CACNB2: variants seen among roughly 807,000 people sequenced by gnomAD.
CACNB2 encodes calcium voltage-gated channel auxiliary subunit beta 2, also known as voltage-dependent L-type calcium channel subunit beta-2.
A neutral mutation model predicts 73.3 loss-of-function variants in CACNB2; 42 were observed. The observed-to-expected ratio is 0.57, with a 90% CI of 0.45 to 0.74. CACNB2 has a LOEUF of 0.74. Among genes scored for constraint, CACNB2 ranks in the 30% least tolerant of loss-of-function variants. The pLI, the probability that CACNB2 is intolerant of heterozygous loss-of-function variation, is 0.00. For missense variants in CACNB2, 940 were observed against 853.0 expected, an observed-to-expected ratio of 1.10 and a Z score of -1.27; for synonymous variants, 348 against 310.3, an observed-to-expected ratio of 1.12 and a Z score of -1.28.
chr10:18,283,261 G>T (rs1181530068), intron 2 of CACNB2, among the ~76,000 whole-genome samples: 3 of 152,194 alleles, frequency 2.0e-5, no homozygotes, highest in Non-Finnish European at 4.4e-5. Flanking sequence ...AGACAGTGTG[G>T]TGATTCCTCA....
chr10:18,502,311 A>AC (rs889221273), intron 5 of CACNB2, among the ~76,000 whole-genome samples: 7 of 151,502 alleles, frequency 4.6e-5, no homozygotes, highest in Non-Finnish European at 8.8e-5. Context: ...CTATCTCAAA[A>AC]AAAAAAGAAC....
chr10:18,226,507 T>A (rs1285308723), intron 2 of CACNB2, among the ~76,000 whole-genome samples: 1 of 152,186 alleles, frequency 6.6e-6, no homozygotes, highest in Non-Finnish European at 1.5e-5. Context: ...GGTTCCTTCA[T>A]TTGGTATGAC....
chr10:18,340,686 A>C, intron 2 of CACNB2: 1 of 1,404,778 alleles, frequency 7.1e-7, no homozygotes, highest in Non-Finnish European at 9.2e-7. Flanking sequence ...TTGTTAATTG[A>C]CTTTGATGAG....
At chr10:18,338,712 G>C (rs1589080037) in intron 2 of CACNB2, among the ~76,000 whole-genome samples, 1 of 116,540 alleles carries the variant, frequency 8.6e-6, no homozygotes, top group Admixed American at 9.6e-5. Flanking sequence ...CTGACTTCCT[G>C]CCTTCCTGCC....
At chr10:18,476,078 C>G (rs2048425017) in intron 3 of CACNB2, among the ~76,000 whole-genome samples, 1 of 152,184 alleles carries the variant, frequency 6.6e-6, no homozygotes, top group African/African-American at 2.4e-5. Flanking sequence ...TGATTATATA[C>G]TAAACAAGCA....
intron 2 of CACNB2, among the ~76,000 whole-genome samples, chr10:18,376,848 T>C (rs2042819818): frequency 6.6e-6 from 1 of 152,204 alleles, no homozygotes; most frequent in Non-Finnish European, 1.5e-5. Flanking sequence ...ATTTGGTTTA[T>C]AGTCATGCTG....
chr10:18,500,981 C>A (rs770980795), intron 5 of CACNB2, 33 bp downstream of exon 5: 1 of 1,601,988 alleles, frequency 6.2e-7, no homozygotes, highest in Non-Finnish European at 8.5e-7. Flanking sequence ...TTGCATAAAA[C>A]TTAGATTATA....
intron 2 of CACNB2, among the ~76,000 whole-genome samples, chr10:18,317,698 T>C (rs550268296): frequency 1.3e-5 from 2 of 152,206 alleles, no homozygotes; most frequent in African/African-American, 4.8e-5. Context: ...GATGAACATA[T>C]GAGTGCAGGT....
chr10:18,327,675 C>T lies in CACNB2; in HGVS notation c.214-74249C>T, dbSNP rs189157927. Reference sequence around the variant, plus strand: ...CTGACCTCAAACAGTCTGCCCACCTCGGCCTCCCAAAGTGCTGGGATTACA... The same window carrying T: ...CTGACCTCAAACAGTCTGCCCACCTTGGCCTCCCAAAGTGCTGGGATTACA... On this transcript the variant is annotated intron_variant, in intron 2 of 13. Transcript: ENST00000324631. 1.7e-3 allele frequency among the ~76,000 whole-genome samples: 254 copies of T among 152,310 alleles called. 1 individual carries two copies. Among genetic ancestry groups the T allele is most frequent in the African/African-American group, 5.8e-3 (239 of 41,562 alleles).
intron 2 of CACNB2, among the ~76,000 whole-genome samples, chr10:18,302,945 G>A (rs1022131346): frequency 6.6e-6 from 1 of 152,198 alleles, no homozygotes; most frequent in African/African-American, 2.4e-5. Context: ...TGTGTAATCT[G>A]TGCTGAACAG....
At chr10:18,150,122 A>G (rs1354577360) in intron 1 of CACNB2, among the ~76,000 whole-genome samples, 2 of 152,242 alleles carry the variant, frequency 1.3e-5, no homozygotes, top group Middle Eastern at 3.2e-3. Flanking sequence ...AGAATTAAAC[A>G]TAGATTGATG....
Position 18,539,893 on chromosome 10 carries a change from G to T in CACNB2, c.*169G>T. 1.3e-6 allele frequency: 1 copy of T among 754,474 alleles called. No individual in the cohort carries two copies. The highest frequency in any genetic ancestry group is 2.8e-5 in the East Asian group (1 of 36,074). 46.7% of individuals were successfully genotyped at this position (754,474 alleles called of 1,614,324 possible). Reference sequence around the variant, plus strand: ...AGCAATAGCATGGATAGAGTATTGAGATACTTTTTCTTTTGTAAGTGCTAC... The same window carrying T: ...AGCAATAGCATGGATAGAGTATTGATATACTTTTTCTTTTGTAAGTGCTAC... On this transcript the variant is annotated 3_prime_UTR_variant, in exon 14 of 14. Transcript: ENST00000324631.
chr10:18,463,919 G>T (rs745417128), intron 3 of CACNB2, among the ~76,000 whole-genome samples: 1 of 152,042 alleles, frequency 6.6e-6, no homozygotes, highest in Non-Finnish European at 1.5e-5. Context: ...CAAATGAGTG[G>T]TCTGCACTTA....
chr10:18,320,213 C>G (rs2040348827), intron 2 of CACNB2, among the ~76,000 whole-genome samples: 1 of 152,170 alleles, frequency 6.6e-6, no homozygotes, highest in Admixed American at 6.5e-5. Flanking sequence ...TATACCCAAT[C>G]CTCATGTACT....
chr10:18,195,484 A>C (rs947654126), intron 2 of CACNB2, among the ~76,000 whole-genome samples: 3 of 152,140 alleles, frequency 2.0e-5, no homozygotes, highest in African/African-American at 7.2e-5. Flanking sequence ...AACGAGATTC[A>C]CTTTGTGCTG....
At chr10:18,390,673 A>G (rs1427314538) in intron 2 of CACNB2, among the ~76,000 whole-genome samples, 2 of 152,200 alleles carry the variant, frequency 1.3e-5, no homozygotes, top group African/African-American at 4.8e-5. Flanking sequence ...CTGAATTATT[A>G]TAAGTTATAT....
chr10:18,233,332 C>A (rs1277751), intron 2 of CACNB2, among the ~76,000 whole-genome samples: 2 of 152,030 alleles, frequency 1.3e-5, no homozygotes, highest in African/African-American at 4.8e-5. Flanking sequence ...TCTCCAGCCA[C>A]GAGCCATATT....
At chr10:18,175,222 C>T (rs1163978972) in intron 2 of CACNB2, among the ~76,000 whole-genome samples, 3 of 152,164 alleles carry the variant, frequency 2.0e-5, no homozygotes, top group Non-Finnish European at 4.4e-5. Context: ...TATGTATTTA[C>T]AGCAACAGAT....
chr10:18,145,671 T>A (rs1330654020), intron 1 of CACNB2, among the ~76,000 whole-genome samples: 1 of 152,200 alleles, frequency 6.6e-6, no homozygotes, highest in African/African-American at 2.4e-5. Context: ...TAGGGGATGG[T>A]GATACTCTAC....
Sources: allele counts gnomAD v4.1 joint callset (sites outside exome capture counted in the v4.1 genomes callset), GRCh38; gene constraint gnomAD v4.1.1; transcripts MANE v1.5; gene names NCBI Gene and HGNC (gene_info 2026-07-23, HGNC 2026-07-21).